The following PICALM variants were observed in gnomAD, a reference collection of about 807,000 sequenced individuals.
PICALM encodes phosphatidylinositol-binding clathrin assembly protein.
PICALM carries 40 observed loss-of-function variants against 80.5 expected under a neutral mutation model. The observed-to-expected ratio is 0.50, with a 90% CI of 0.39 to 0.65. The LOEUF (loss-of-function observed/expected upper bound fraction) is 0.65, where lower values mean the gene tolerates loss of function less well. Among genes scored for constraint, PICALM ranks in the 30% least tolerant of loss-of-function variants. The pLI is 0.00. For missense variants in PICALM, 676 were observed against 778.9 expected, an observed-to-expected ratio of 0.87 and a Z score of 1.57; for synonymous variants, 288 against 260.3, an observed-to-expected ratio of 1.11 and a Z score of -1.02.
At chr11:85,983,835 T>C (rs1268412710) in intron 14 of PICALM, 31 bp downstream of exon 14, 2 of 867,756 alleles carry the variant, frequency 2.3e-6, no homozygotes, top group Admixed American at 2.2e-5. Flanking sequence ...TAGGACATTA[T>C]AATATTTTTA....
intron 4 of PICALM, among the ~76,000 whole-genome samples, chr11:86,019,461 T>C (rs1338830017): frequency 6.6e-6 from 1 of 152,170 alleles, no homozygotes. Flanking sequence ...ATAAAAAAAT[T>C]CACCAACTAT....
At chr11:86,022,588 G>C (rs1593023058) in intron 3 of PICALM, 119 bp from the exon 4 acceptor site, 1 of 531,636 alleles carries the variant, frequency 1.9e-6, no homozygotes, top group Non-Finnish European at 3.3e-6. Flanking sequence ...AAAATGTCTT[G>C]ATATCCCAAT....
At chr11:85,970,676 C>T (rs1005546639) in intron 19 of PICALM, among the ~76,000 whole-genome samples, 18 of 152,204 alleles carry the variant, frequency 1.2e-4, no homozygotes, top group Middle Eastern at 3.4e-3. Flanking sequence ...GGTGTGGTGG[C>T]GTGTGCCTGT....
chr11:86,014,638 T>C (rs182660128), intron 5 of PICALM, among the ~76,000 whole-genome samples: 4 of 152,302 alleles, frequency 2.6e-5, no homozygotes, highest in Admixed American at 2.0e-4. Flanking sequence ...TTCACCACTT[T>C]AGCTTGTATA....
intron 10 of PICALM, 126 bp downstream of exon 10, chr11:86,000,909 A>C: frequency 6.8e-7 from 1 of 1,480,208 alleles, no homozygotes; most frequent in Non-Finnish European, 9.2e-7. Flanking sequence ...TCAGGACGAA[A>C]AGTTAGACTG....
At chr11:86,018,045 T>A (rs558698999) in intron 4 of PICALM, among the ~76,000 whole-genome samples, 1 of 152,190 alleles carries the variant, frequency 6.6e-6, no homozygotes, top group East Asian at 1.9e-4. Flanking sequence ...TAAAGTAATA[T>A]TATTTTTTAA....
rs183997413 is a variant in PICALM, at chr11:86,031,943, C to G, written c.131-332G>C. ...CTTCTATTTCCTTACTACTTAAAAA[C>G]CTTCCATTAAAATACTGGTATTATT... On this transcript the variant is annotated intron_variant, in intron 1 of 19. Coordinates refer to ENST00000393346, the MANE Select transcript of PICALM (RefSeq NM_007166.4). 3.0e-3 allele frequency among the ~76,000 whole-genome samples: 461 copies of G among 152,230 alleles called. 2 individuals carry two copies. The highest frequency in any genetic ancestry group is 9.6e-3 in the African/African-American group (397 of 41,524).
chr11:85,987,591 G>T (rs2094613518), intron 13 of PICALM, among the ~76,000 whole-genome samples: 2 of 152,178 alleles, frequency 1.3e-5, no homozygotes, highest in South Asian at 4.1e-4. Flanking sequence ...ATTTAGGTGA[G>T]AAGTACATTC....
chr11:85,976,561 T>C, intron 18 of PICALM, 62 bp downstream of exon 18: 1 of 1,019,522 alleles, frequency 9.8e-7, no homozygotes, highest in Non-Finnish European at 1.6e-6. Context: ...TAAATTGTAA[T>C]AAAAACATGT....
At chr11:86,051,088 CTG>C (rs560241906) in intron 1 of PICALM, among the ~76,000 whole-genome samples, 121 of 152,264 alleles carry the variant, frequency 7.9e-4, no homozygotes, top group African/African-American at 2.8e-3. Context: ...CAAATTCAAA[CTG>C]TTTTTCAAAT....
At chr11:85,991,096 C>T (rs2094759868) in intron 12 of PICALM, among the ~76,000 whole-genome samples, 1 of 151,968 alleles carries the variant, frequency 6.6e-6, no homozygotes, top group African/African-American at 2.4e-5. Flanking sequence ...TATATCAAAT[C>T]CTTTATCTAA....
At chr11:85,965,314 T>C (rs1404953605) in intron 19 of PICALM, among the ~76,000 whole-genome samples, 1 of 152,216 alleles carries the variant, frequency 6.6e-6, no homozygotes, top group Non-Finnish European at 1.5e-5. Context: ...TTTCTCTCTT[T>C]ATAAACTACC....
At chr11:86,017,052 T>A (rs1302477710) in intron 4 of PICALM, among the ~76,000 whole-genome samples, 1 of 152,050 alleles carries the variant, frequency 6.6e-6, no homozygotes, top group Non-Finnish European at 1.5e-5. Context: ...TGAAACCCCA[T>A]CTCTACTAAA....
intron 1 of PICALM, among the ~76,000 whole-genome samples, chr11:86,042,798 TG>T (rs199876931): frequency 0.024 from 3,712 of 151,936 alleles, 112 homozygotes; most frequent in Non-Finnish European, 0.027. Context: ...GGGTCCAGAG[TG>T]GGGGCAGAAA....
Position 86,014,942 on chromosome 11 carries a change from T to C in PICALM, c.474A>G (p.Thr158=), listed in dbSNP as rs1030091239. The part of the protein sequence containing the change: ...VKRGADGVMR[T]MNTEKLLKTV... The stretch of plus-strand genomic sequence containing the variant: ...TTTTTAGGAGTTTTTCTGTGTTCAT[T>C]GTTCTCATAACTCCATCAGCCCTGT... The change falls in exon 5 of 20, where the codon ACA becomes ACG. Residue 158 remains threonine (T), a synonymous_variant. Coordinates refer to ENST00000393346, the MANE Select transcript of PICALM (RefSeq NM_007166.4). The C allele has an allele frequency of 6.3e-7, 1 of 1,592,844 alleles. No individual in the cohort carries two copies. The highest frequency in any genetic ancestry group is 1.4e-5 in the African/African-American group (1 of 73,912).
intron 4 of PICALM, among the ~76,000 whole-genome samples, chr11:86,021,095 C>T (rs2095554988): frequency 6.6e-6 from 1 of 152,188 alleles, no homozygotes; most frequent in Admixed American, 6.5e-5. Flanking sequence ...AGCCTATAAT[C>T]TCAACACTGT....
At position 85,985,803 on chromosome 11, in the gene PICALM, T is replaced by C. The variant is rs747507076; in HGVS notation, c.1409-1830A>G. Among the ~76,000 whole-genome samples the C allele has an allele frequency of 7.9e-5, 12 of 152,340 alleles. No homozygotes were observed. The East Asian group carries it at 1.2e-3, about 15-fold the overall frequency. Reference sequence around the variant, plus strand: ...ATCATTCTGGTAATAATCTTGGCTATTGATGTCACTAACTTTTAGATTATA... The same window carrying C: ...ATCATTCTGGTAATAATCTTGGCTACTGATGTCACTAACTTTTAGATTATA... On this transcript the variant is annotated intron_variant, in intron 13 of 19. Coordinates refer to ENST00000393346, the MANE Select transcript of PICALM (RefSeq NM_007166.4).
chr11:85,984,981 G>A (rs538069446), intron 13 of PICALM, among the ~76,000 whole-genome samples: 4 of 152,220 alleles, frequency 2.6e-5, no homozygotes, highest in Non-Finnish European at 5.9e-5. Context: ...ATTTCACCTC[G>A]TGGAATGTCA....
intron 19 of PICALM, among the ~76,000 whole-genome samples, chr11:85,963,721 T>C (rs2093771218): frequency 6.6e-6 from 1 of 152,190 alleles, no homozygotes; most frequent in Admixed American, 6.5e-5. Flanking sequence ...CTTTGCATTA[T>C]ATCCAGAGCA....
Sources: gnomAD v4.1 joint callset for allele counts (sites outside exome capture counted in the v4.1 genomes callset) on GRCh38, gnomAD v4.1.1 for gene constraint, MANE v1.5 for transcripts, NCBI Gene and HGNC (gene_info 2026-07-23, HGNC 2026-07-21) for gene names.